The following SECISBP2 variants were observed in gnomAD, a reference collection of about 807,000 sequenced individuals.
The protein encoded by SECISBP2 is SECIS binding protein 2.
Under a neutral mutation model 98.2 loss-of-function variants are expected in SECISBP2, and 96 were observed. That is an observed-to-expected ratio of 0.98 (90% CI 0.83 to 1.16). The LOEUF is 1.16. Ranked by LOEUF, SECISBP2 falls within the 50% of genes most tolerant of loss-of-function variation. The pLI, the probability that SECISBP2 is intolerant of heterozygous loss-of-function variation, is 0.00. For synonymous variants in SECISBP2, 407 were observed against 370.2 expected (o/e 1.10, Z -1.14); for missense variants, 1,046 against 1,022.9 (o/e 1.02, Z -0.31).
At chr9:89,342,572 A>G (rs1829813641) in intron 10 of SECISBP2, among the ~76,000 whole-genome samples, 1 of 152,250 alleles carries the variant, frequency 6.6e-6, no homozygotes, top group Admixed American at 6.5e-5. Context: ...TACCTACACA[A>G]TGTAATATGC....
chr9:89,337,556 T>C (rs537409596), intron 7 of SECISBP2, among the ~76,000 whole-genome samples: 2 of 152,324 alleles, frequency 1.3e-5, no homozygotes, highest in African/African-American at 4.8e-5. Flanking sequence ...TGTTTTTTGT[T>C]TTCTTAAAAT....
chr9:89,347,619 C>T (rs993430957), intron 11 of SECISBP2, among the ~76,000 whole-genome samples: 6 of 152,140 alleles, frequency 3.9e-5, no homozygotes. Flanking sequence ...GCTGGGATTA[C>T]AGGCGTGTGC....
At chr9:89,353,053 G>T (rs1831522443) in intron 14 of SECISBP2, among the ~76,000 whole-genome samples, 1 of 152,122 alleles carries the variant, frequency 6.6e-6, no homozygotes, top group African/African-American at 2.4e-5. Context: ...CTGGAAATCC[G>T]GGTGTGTGGC....
At chr9:89,351,030 T>C (rs1363811901) in intron 14 of SECISBP2, among the ~76,000 whole-genome samples, 178 bp downstream of exon 14, 4 of 152,248 alleles carry the variant, frequency 2.6e-5, no homozygotes, top group African/African-American at 9.6e-5. Flanking sequence ...ACCAAGTGCC[T>C]TACCCTCTGT....
intron 14 of SECISBP2, 41 bp downstream of exon 14, chr9:89,350,893 A>G: frequency 6.5e-7 from 1 of 1,533,220 alleles, no homozygotes; most frequent in Non-Finnish European, 9.0e-7. Context: ...GGGCCCCTGC[A>G]TGAGTGCCTA....
chr9:89,334,734 CGT>C lies in SECISBP2; in HGVS notation c.1089+7_1089+8del, dbSNP rs772029603. 1.9e-6 allele frequency: 3 copies of C among 1,607,190 alleles called. No homozygotes were observed. Among genetic ancestry groups the C allele is most frequent in the Non-Finnish European group, 2.6e-6 (3 of 1,175,688 alleles). On this transcript the variant is annotated splice_donor_5th_base_variant and intron_variant, in intron 7 of 16. Transcript: ENST00000375807. ...CATTATTCATCCTACCCAAAAGGTA[CGT>C]GTCACTAGAGACAGAAAGTAGGATG...
At position 89,335,133 on chromosome 9, in the gene SECISBP2, A is replaced by G. The variant is rs540854646; in HGVS notation, c.1089+403A>G. Among the ~76,000 whole-genome samples the G allele has an allele frequency of 5.3e-5, 8 of 151,380 alleles. No homozygotes were observed. The South Asian group carries it at 1.0e-3, about 20-fold the overall frequency. On this transcript the variant is annotated intron_variant, in intron 7 of 16. Transcript: ENST00000375807. ...CGGGAGGCTGAGACAGGAGAATGGC[A>G]TGAACCCGGGAGGCGGAGCTTGTAG...
At position 89,318,556 on chromosome 9, in the gene SECISBP2, G is replaced by A; in HGVS notation, c.-21G>A. ...GCCCGCTGCTGGCCTCCGTGACGCG[G>A]CCTCCTCCGCGCCTCGCGGCATGGC... is the stretch of plus-strand genomic sequence containing the variant. On this transcript the variant is annotated 5_prime_UTR_variant, in exon 1 of 17. Coordinates refer to ENST00000375807, the MANE Select transcript of SECISBP2 (RefSeq NM_024077.5). 1.3e-6 allele frequency: 2 copies of A among 1,508,186 alleles called. No homozygotes were observed. Among genetic ancestry groups the A allele is most frequent in the Non-Finnish European group, 1.8e-6 (2 of 1,134,154 alleles). The allele number at this position is 1,508,186 out of a possible 1,614,324, so 93.4% of individuals were successfully genotyped here.
At chr9:89,322,786 A>G (rs570322987) in intron 2 of SECISBP2, 51 of 152,362 alleles carry the variant, frequency 3.3e-4, no homozygotes, top group African/African-American at 1.2e-3. Flanking sequence ...GACCATGTGC[A>G]TGATATGTTT....
chr9:89,364,447 T>G, downstream of SECISBP2: 1 of 214,948 alleles, frequency 4.7e-6, no homozygotes, highest in Non-Finnish European at 9.6e-6. Context: ...GGCCTGTCTC[T>G]CCAATTGAGA....
chr9:89,342,874 G>A (rs1829863987), intron 10 of SECISBP2, among the ~76,000 whole-genome samples: 1 of 152,220 alleles, frequency 6.6e-6, no homozygotes. Context: ...TATAATTTAT[G>A]CAGCTGAATT....
chr9:89,362,422 A>T (rs748202544), downstream of SECISBP2: 13 of 1,613,914 alleles, frequency 8.1e-6, no homozygotes, highest in Middle Eastern at 1.6e-4. Context: ...TCCTTGCTAC[A>T]GCTTTCCTGA....
At chr9:89,363,745 T>G (rs955531696), downstream of SECISBP2, 1 of 1,612,406 alleles carries the variant, frequency 6.2e-7, no homozygotes, top group African/African-American at 1.3e-5. Flanking sequence ...ACTTACCAGG[T>G]CTCATCACAG....
chr9:89,335,207 C>T (rs562792037), intron 7 of SECISBP2, among the ~76,000 whole-genome samples: 133 of 141,334 alleles, frequency 9.4e-4, no homozygotes, highest in African/African-American at 3.3e-3. Flanking sequence ...CACAGTGAGA[C>T]GTCGTCTGAA....
intron 9 of SECISBP2, 111 bp from the exon 10 acceptor site, chr9:89,341,235 TC>T: frequency 2.8e-6 from 3 of 1,064,420 alleles, no homozygotes; most frequent in Non-Finnish European, 4.1e-6. Flanking sequence ...TTTTAAAAAT[TC>T]TTTTTTATAG....
In SECISBP2 at chr9:89,359,659, G is replaced by A. The variant is rs539223940; in HGVS notation, c.*835G>A. ...ATTATTAAATTTTGTTTCAGACTCT[G>A]GTGATTTTAGGCTTCTCAGTGGTCT... On this transcript the variant is annotated 3_prime_UTR_variant, in exon 17 of 17. Coordinates refer to ENST00000375807, the MANE Select transcript of SECISBP2 (RefSeq NM_024077.5). 1 of 152,028 alleles carries A rather than the reference G, an allele frequency of 6.6e-6. No individual in the cohort carries two copies. Among genetic ancestry groups the A allele is most frequent in the East Asian group, 1.9e-4 (1 of 5,164 alleles). 9.4% of individuals were successfully genotyped at this position (152,028 alleles called of 1,614,324 possible). A position where few individuals can be genotyped will look rare whatever the true frequency, so the allele number is the denominator to read the frequency against.
At chr9:89,348,254 A>G (rs1246014921) in intron 12 of SECISBP2, 40 bp downstream of exon 12, 1 of 1,612,392 alleles carries the variant, frequency 6.2e-7, no homozygotes, top group Admixed American at 1.7e-5. Flanking sequence ...AATTTAAACG[A>G]GAGCAACTAT....
In SECISBP2 at chr9:89,350,729, C is replaced by G; in HGVS notation, c.1990C>G (p.Pro664Ala). Residue 664 changes from proline (P) to alanine (A), a missense_variant, in exon 14 of 17, where the codon CCA (proline) becomes GCA (alanine). Physicochemically the swap from Pro to Ala is conservative, Grantham distance 27 (BLOSUM62 -1). Coordinates refer to ENST00000375807, the MANE Select transcript of SECISBP2 (RefSeq NM_024077.5). Reference protein sequence around the residue: ...RFQDRMYQKDPVKAKTKRRLV... With the variant: ...RFQDRMYQKDAVKAKTKRRLV... ...CCAAGACCGTATGTACCAGAAAGAT[C>G]CAGTCAAGGCCAAGACTAAACGTCG... is the stretch of plus-strand genomic sequence containing the variant. The G allele has an allele frequency of 6.2e-7, 1 of 1,614,200 alleles. No homozygotes were observed. Among genetic ancestry groups the G allele is most frequent in the Non-Finnish European group, 8.5e-7 (1 of 1,180,030 alleles).
chr9:89,319,469 C>CAA (rs142623218), intron 1 of SECISBP2, among the ~76,000 whole-genome samples, 183 bp from the exon 2 acceptor site: 2 of 145,446 alleles, frequency 1.4e-5, no homozygotes, highest in African/African-American at 2.5e-5. Context: ...GCCTTTTCTA[C>CAA]AAAAAAAAAA....
Sources: allele counts gnomAD v4.1 joint callset (sites outside exome capture counted in the v4.1 genomes callset), GRCh38; gene constraint gnomAD v4.1.1; transcripts MANE v1.5; gene names NCBI Gene and HGNC (gene_info 2026-07-23, HGNC 2026-07-21).